Variants in COG2 observed in about 807,000 individuals in gnomAD.
COG2 encodes the protein conserved oligomeric Golgi complex subunit 2.
A neutral mutation model predicts 90.6 loss-of-function variants in COG2; 52 were observed. The observed-to-expected ratio is 0.57, with a 90% confidence interval of 0.46 to 0.72. COG2 has a LOEUF of 0.72. Ranked by LOEUF, COG2 falls within the 30% of genes least tolerant of loss-of-function variation. The pLI is 0.00. For synonymous variants in COG2, 337 were observed against 320.4 expected, an observed-to-expected ratio of 1.05 and a Z score of -0.55; for missense variants, 829 against 891.2, an observed-to-expected ratio of 0.93 and a Z score of 0.89.
chr1:230,646,698 G>A (rs979985978), intron 1 of COG2, among the ~76,000 whole-genome samples: 4 of 142,300 alleles, frequency 2.8e-5, no homozygotes, highest in African/African-American at 9.8e-5. Context: ...GTTGGGGGAA[G>A]ATGAAAAAAA....
At chr1:230,691,319 A>G in intron 16 of COG2, 65 bp from the exon 17 acceptor site, 1 of 1,401,484 alleles carries the variant, frequency 7.1e-7, no homozygotes, top group Non-Finnish European at 9.6e-7. Context: ...CCACAAAGCC[A>G]GTTACTCTAT....
intron 8 of COG2, 55 bp downstream of exon 8, chr1:230,671,695 CT>C: frequency 5.7e-6 from 9 of 1,566,080 alleles, no homozygotes; most frequent in African/African-American, 1.4e-5. Flanking sequence ...ACCGCACCTG[CT>C]AATTGCAGGT....
At chr1:230,678,440 A>C (rs1174155829) in intron 9 of COG2, 2 of 985,266 alleles carry the variant, frequency 2.0e-6, no homozygotes. Context: ...GTTTTGGTAC[A>C]TCTCCCTGTC....
At chr1:230,687,791 G>A (rs1318641652) in intron 13 of COG2, among the ~76,000 whole-genome samples, 2 of 152,068 alleles carry the variant, frequency 1.3e-5, no homozygotes, top group Non-Finnish European at 2.9e-5. Flanking sequence ...TTTACTGTGA[G>A]CTATTTTCGT....
intron 1 of COG2, among the ~76,000 whole-genome samples, chr1:230,655,689 G>T (rs933442268): frequency 9.2e-5 from 14 of 152,178 alleles, no homozygotes; most frequent in African/African-American, 3.4e-4. Flanking sequence ...GCTCCTCTTT[G>T]TACCTCTGGT....
intron 9 of COG2, among the ~76,000 whole-genome samples, chr1:230,675,657 T>C (rs1054784853): frequency 6.6e-5 from 10 of 152,120 alleles, no homozygotes; most frequent in African/African-American, 2.4e-4. Flanking sequence ...CTATTACTAT[T>C]TTTGAAACAG....
At chr1:230,642,799 C>T (rs77890468) in intron 1 of COG2, 121 bp downstream of exon 1, 57 of 902,556 alleles carry the variant, frequency 6.3e-5, no homozygotes, top group Non-Finnish European at 8.2e-5. Flanking sequence ...GGTCCTCCGC[C>T]GAGACCTCGC....
rs760294439 is a variant in COG2, at chr1:230,687,063, G to T, written c.1509G>T (p.Lys503Asn). The change falls in exon 13 of 18, where the codon AAG becomes AAT. Residue 503 changes from lysine to asparagine, a missense_variant. Transcript: ENST00000366669. ...AAGGAAGTGGTCCTTCGGAAACAAA[G>T]CCTGTGGTTTCCATTTCCCGCACTC... Reference protein sequence around the residue: ...EDQGSGPSETKPVVSISRTQL... With the variant: ...EDQGSGPSETNPVVSISRTQL... 4 of 1,613,198 alleles carry T rather than the reference G, an allele frequency of 2.5e-6. No individual in the cohort carries two copies. The highest frequency in any genetic ancestry group is 2.5e-6 in the Non-Finnish European group (3 of 1,179,492).
rs781779396 is a variant in COG2 at position 230,679,010 on chromosome 1, G to A, written c.1124G>A (p.Ser375Asn). The A allele has an allele frequency of 8.7e-6, 14 of 1,613,456 alleles. No individual in the cohort carries two copies. The South Asian group carries it at 1.5e-4, about 18-fold the overall frequency. Residue 375 changes from serine to asparagine, a missense_variant, in exon 10 of 18, where the codon AGC becomes AAC. Coordinates refer to ENST00000366669, the MANE Select transcript of COG2 (RefSeq NM_007357.3). ...TTAAGAGCCCATCCTGCCTATCACA[G>A]CTTCAATAAGAAGTGGAACTTGCCT... ...KRLRAHPAYH[S>N]FNKKWNLPVY...
intron 3 of COG2, among the ~76,000 whole-genome samples, chr1:230,662,806 A>G (rs990105412): frequency 4.6e-5 from 7 of 152,028 alleles, no homozygotes; most frequent in Non-Finnish European, 1.0e-4. Context: ...AGCATCCACA[A>G]ATTTTTAGAA....
At chr1:230,658,611 C>A (rs1558269853) in intron 1 of COG2, among the ~76,000 whole-genome samples, 1 of 152,180 alleles carries the variant, frequency 6.6e-6, no homozygotes, top group Non-Finnish European at 1.5e-5. Context: ...TCTCTAGAGC[C>A]ATCAAGCAGT....
Position 230,642,501 on chromosome 1 carries a change from C to T in COG2, c.-106C>T, listed in dbSNP as rs966264326. On this transcript the variant is annotated 5_prime_UTR_variant, in exon 1 of 18. Coordinates refer to ENST00000366669, the MANE Select transcript of COG2 (RefSeq NM_007357.3). ...CTGCCATGTTGGCGGAAGCGGACCC[C>T]CCTGTGCCGTGGAAACTGGCGGTGG... 9 of 1,120,082 alleles carry T rather than the reference C, an allele frequency of 8.0e-6. No homozygotes were observed. The highest frequency in any genetic ancestry group is 5.8e-5 in the South Asian group (4 of 69,448). 69.4% of individuals were successfully genotyped at this position (1,120,082 alleles called of 1,614,324 possible).
chr1:230,691,310 C>T, intron 16 of COG2, 74 bp from the exon 17 acceptor site: 23 of 1,324,518 alleles, frequency 1.7e-5, no homozygotes, highest in South Asian at 8.8e-5. Flanking sequence ...TTTTTTGGTC[C>T]ACAAAGCCAG....
chr1:230,664,594 A>AT lies in COG2; in HGVS notation c.485+13dup, dbSNP rs781472499. On this transcript the variant is annotated splice_region_variant and intron_variant, in intron 5 of 17. Coordinates refer to ENST00000366669, the MANE Select transcript of COG2 (RefSeq NM_007357.3). Reference sequence around the variant, plus strand: ...CTGCACTAGAAGCAAGCAGGTAAGTATTTTTTATTAAATAACTCGTAAATT... The same window carrying AT: ...CTGCACTAGAAGCAAGCAGGTAAGTATTTTTTTATTAAATAACTCGTAAATT... 54 of 1,397,314 alleles carry AT rather than the reference A, an allele frequency of 3.9e-5. No homozygotes were observed. The highest frequency in any genetic ancestry group is 4.9e-5 in the Non-Finnish European group (50 of 1,015,854). The allele number at this position is 1,397,314 out of a possible 1,614,324, so 86.6% of individuals were successfully genotyped here.
chr1:230,689,866 C>T (rs1662980396), intron 15 of COG2, 148 bp from the exon 16 acceptor site: 4 of 696,116 alleles, frequency 5.7e-6, no homozygotes, highest in Non-Finnish European at 9.4e-6. Flanking sequence ...CTGTGGACCC[C>T]AGTGTTACTT....
In COG2 at chr1:230,663,166, G is replaced by A; in HGVS notation, c.326G>A (p.Gly109Glu). 6.2e-7 allele frequency: 1 copy of A among 1,610,458 alleles called. No homozygotes were observed. The highest frequency in any genetic ancestry group is 8.5e-7 in the Non-Finnish European group (1 of 1,178,234). Residue 109 changes from glycine to glutamate, a missense_variant, in exon 4 of 18, where the codon GGA becomes GAA. Transcript: ENST00000366669. ...VLSLRSSVSE[G>E]IRAVDERMSK... ...AGCCTTAGATCGTCTGTCAGTGAAG[G>A]AATTCGGGCAGTTGATGAACGAATG...
chr1:230,680,763 T>C (rs1662724687), intron 10 of COG2: 1 of 152,232 alleles, frequency 6.6e-6, no homozygotes, highest in South Asian at 2.1e-4. Flanking sequence ...ATCTAAAAAG[T>C]AAATTCCATT....
chr1:230,645,362 AC>A (rs1661744135), intron 1 of COG2, among the ~76,000 whole-genome samples: 1 of 152,184 alleles, frequency 6.6e-6, no homozygotes, highest in East Asian at 1.9e-4. Flanking sequence ...GATAACTTAA[AC>A]CCACTTAACC....
chr1:230,647,550 A>T (rs896537462), intron 1 of COG2, among the ~76,000 whole-genome samples: 1 of 152,156 alleles, frequency 6.6e-6, no homozygotes, highest in Non-Finnish European at 1.5e-5. Flanking sequence ...TGCTTATCTC[A>T]ATACTCTTTG....
Sources: allele counts gnomAD v4.1 joint callset (sites outside exome capture counted in the v4.1 genomes callset), GRCh38; gene constraint gnomAD v4.1.1; transcripts MANE v1.5; gene names NCBI Gene and HGNC (gene_info 2026-07-23, HGNC 2026-07-21).